The following THEM6 variants were observed in gnomAD, a reference collection of about 807,000 sequenced individuals.
THEM6 encodes protein THEM6.
A neutral mutation model predicts 13.7 loss-of-function variants in THEM6; 10 were observed. The observed-to-expected ratio is 0.73, with a 90% CI of 0.45 to 1.24. The LOEUF is 1.24. THEM6 is among the 50% of genes most tolerant of loss of function. The probability of loss-of-function intolerance (pLI) is 0.00; values close to 1 mark genes in which losing one functional copy is unlikely to be tolerated. For synonymous variants in THEM6, 161 were observed against 156.0 expected (o/e 1.03, Z -0.24); for missense variants, 317 against 312.6 (o/e 1.01, Z -0.11).
At chr8:142,733,548 A>C (rs1815697998) in intron 1 of THEM6, among the ~76,000 whole-genome samples, 1 of 152,106 alleles carries the variant, frequency 6.6e-6, no homozygotes, top group South Asian at 2.1e-4. Flanking sequence ...CCCAGCCCTC[A>C]CTCAAAATGG....
intron 1 of THEM6, among the ~76,000 whole-genome samples, chr8:142,733,795 C>G (rs1440392254): frequency 2.0e-5 from 3 of 152,338 alleles, no homozygotes; most frequent in African/African-American, 7.2e-5. Flanking sequence ...GGTCGGGGCA[C>G]AGCTTGCTTT....
intron 1 of THEM6, among the ~76,000 whole-genome samples, chr8:142,732,196 ATATATATATAT>A (rs1815663219): frequency 1.0e-5 from 1 of 95,880 alleles, no homozygotes; most frequent in Non-Finnish European, 2.1e-5. Context: ...ATATATATAT[ATATATATATAT>A]TTTAACTACT....
Position 142,727,536 on chromosome 8 carries a change from C to T in THEM6, c.190C>T (p.His64Tyr), listed in dbSNP as rs782396140. ...VLPSDLDLLL[H>Y]MNNARYLREA... ...GCCCTCGGACTTGGACCTGCTGCTG[C>T]ACATGAACAACGCGCGCTACCTGCG... The change falls in exon 1 of 2, where the codon CAC (histidine) becomes TAC (tyrosine). Residue 64 changes from histidine (H) to tyrosine (Y), a missense_variant. By Grantham distance (83) the His-to-Tyr change is moderately conservative (BLOSUM62 2). Transcript: ENST00000336138. The T allele has an allele frequency of 7.6e-6, 12 of 1,570,790 alleles. No homozygotes were observed. The East Asian group carries it at 2.9e-4, about 37-fold the overall frequency.
chr8:142,735,353 C>G lies in THEM6; in HGVS notation c.541C>G (p.Leu181Val), dbSNP rs1467220303. The G allele has an allele frequency of 1.3e-6, 2 of 1,570,482 alleles. No individual in the cohort carries two copies. The highest frequency in any genetic ancestry group is 2.4e-5 in the East Asian group (1 of 42,388). Residue 181 changes from leucine to valine, a missense_variant, in exon 2 of 2, where the codon CTG becomes GTG. Transcript: ENST00000336138. The part of the protein sequence containing the change: ...RVEPPELPAD[L>V]QHWISYNEAS... ...GGAGCCCCCTGAGCTGCCCGCTGAT[C>G]TGCAGCACTGGATCTCCTACAACGA...
intron 1 of THEM6, among the ~76,000 whole-genome samples, chr8:142,732,207 T>TATATATATG (rs1563822652): frequency 2.2e-5 from 2 of 91,490 alleles, no homozygotes; most frequent in African/African-American, 4.1e-5. Flanking sequence ...TATATATATA[T>TATATATATG]TTTAACTACT....
At chr8:142,732,651 G>C (rs150167368) in intron 1 of THEM6, among the ~76,000 whole-genome samples, 4 of 151,656 alleles carry the variant, frequency 2.6e-5, no homozygotes, top group Middle Eastern at 3.5e-3. Context: ...TCCTTGGTCT[G>C]TGCACAGAGT....
chr8:142,727,873 GC>G lies in THEM6; in HGVS notation c.513+18del. 2.9e-6 allele frequency: 4 copies of G among 1,389,764 alleles called. No individual in the cohort carries two copies. Among genetic ancestry groups the G allele is most frequent in the East Asian group, 3.0e-5 (1 of 32,886 alleles). The allele number at this position is 1,389,764 out of a possible 1,614,324, so 86.1% of individuals were successfully genotyped here. The stretch of plus-strand genomic sequence containing the variant: ...TGCCAGCGCAGGGTGAGCGGCCCCC[GC>G]CCCTGGCCCCGGAGCACGGCCTTTG... On this transcript the variant is annotated intron_variant, in intron 1 of 1. Coordinates refer to ENST00000336138, the MANE Select transcript of THEM6 (RefSeq NM_016647.3).
rs1182378811 is a variant in THEM6 at position 142,736,379 on chromosome 8, T to G, written c.*940T>G. On this transcript the variant is annotated 3_prime_UTR_variant, in exon 2 of 2. Transcript: ENST00000336138. ...TCTGGCCTGGCCGGCAGGCGTCTTC[T>G]TAACTCCTCTGTCCTCTATATTCAG... The G allele has an allele frequency of 6.6e-6, 1 of 152,446 alleles. No homozygotes were observed. The highest frequency in any genetic ancestry group is 1.5e-5 in the Non-Finnish European group (1 of 68,218). 9.4% of individuals were successfully genotyped at this position (152,446 alleles called of 1,614,324 possible).
At chr8:142,728,680 G>A (rs962751496) in intron 1 of THEM6, among the ~76,000 whole-genome samples, 1 of 152,222 alleles carries the variant, frequency 6.6e-6, no homozygotes, top group Non-Finnish European at 1.5e-5. Context: ...AGACCTCAAG[G>A]GAGGGTTCTT....
Position 142,727,310 on chromosome 8 carries a change from A to G in THEM6, c.-37A>G, listed in dbSNP as rs1815510072. On this transcript the variant is annotated 5_prime_UTR_variant, in exon 1 of 2. Coordinates refer to ENST00000336138, the MANE Select transcript of THEM6 (RefSeq NM_016647.3). The stretch of plus-strand genomic sequence containing the variant: ...CGCCGCGGACACCGGCACCGGCGCC[A>G]CGGACTCCGCAGGACCCCGCGCCCG... The G allele has an allele frequency of 6.9e-7, 1 of 1,448,334 alleles. No individual in the cohort carries two copies. Among genetic ancestry groups the G allele is most frequent in the South Asian group, 1.4e-5 (1 of 72,664 alleles). The allele number at this position is 1,448,334 out of a possible 1,614,324, so 89.7% of individuals were successfully genotyped here.
At chr8:142,732,882 A>G (rs587762623) in intron 1 of THEM6, among the ~76,000 whole-genome samples, 2 of 152,262 alleles carry the variant, frequency 1.3e-5, no homozygotes, top group Admixed American at 1.3e-4. Flanking sequence ...ACGGATTGCC[A>G]CCAAATTGTT....
chr8:142,731,278 A>C (rs1815641799), intron 1 of THEM6, among the ~76,000 whole-genome samples: 1 of 152,218 alleles, frequency 6.6e-6, no homozygotes, highest in Non-Finnish European at 1.5e-5. Flanking sequence ...AACATTTTAA[A>C]ACTTGCTTAA....
chr8:142,727,760 C>T lies in THEM6; in HGVS notation c.414C>T (p.Val138=), dbSNP rs893640680. The stretch of plus-strand genomic sequence containing the variant: ...CGTTCTACCTGGAGGCGCGCTTTGT[C>T]AGCCTGCGGGACGGCTTCGTGTGCG... The part of the protein sequence containing the change: ...DRAFYLEARF[V]SLRDGFVCAL... Residue 138 remains valine (V), a synonymous_variant, in exon 1 of 2, where the codon GTC becomes GTT. Coordinates refer to ENST00000336138, the MANE Select transcript of THEM6 (RefSeq NM_016647.3). 24 of 1,454,086 alleles carry T rather than the reference C, an allele frequency of 1.7e-5. No individual in the cohort carries two copies. The Admixed American group carries it at 3.1e-4, about 19-fold the overall frequency. 90.1% of individuals were successfully genotyped at this position (1,454,086 alleles called of 1,614,324 possible).
chr8:142,735,782 G>A lies in THEM6; in HGVS notation c.*343G>A, dbSNP rs1003593859. On this transcript the variant is annotated 3_prime_UTR_variant, in exon 2 of 2. Transcript: ENST00000336138. ...GCAGAGGGACCCACAAGTGCCTCCC[G>A]AGCCTAGATCCTGGCTCGGACCACT... is the stretch of plus-strand genomic sequence containing the variant. 11 of 285,938 alleles carry A rather than the reference G, an allele frequency of 3.8e-5. No individual in the cohort carries two copies. The highest frequency in any genetic ancestry group is 2.2e-4 in the South Asian group (5 of 23,240). The allele number at this position is 285,938 out of a possible 1,614,324, so 17.7% of individuals were successfully genotyped here.
intron 1 of THEM6, among the ~76,000 whole-genome samples, chr8:142,730,544 C>T (rs1554642843): frequency 6.6e-6 from 1 of 152,222 alleles, no homozygotes; most frequent in East Asian, 1.9e-4. Flanking sequence ...CTCTTAAGCT[C>T]TTGGCCTTCT....
rs1815505792 is a variant in THEM6 at position 142,727,266 on chromosome 8, T to G, written c.-81T>G. 1.5e-6 allele frequency: 2 copies of G among 1,340,806 alleles called. No homozygotes were observed. Among genetic ancestry groups the G allele is most frequent in the Non-Finnish European group, 1.9e-6 (2 of 1,041,454 alleles). 83.1% of individuals were successfully genotyped at this position (1,340,806 alleles called of 1,614,324 possible). A position where few individuals can be genotyped will look rare whatever the true frequency, so the allele number is the denominator to read the frequency against. On this transcript the variant is annotated 5_prime_UTR_variant, in exon 1 of 2. Transcript: ENST00000336138. The stretch of plus-strand genomic sequence containing the variant: ...TGCGCTCGTGAGTTCCCAGGAGGCC[T>G]GGCGGGCACCGTAACCAGCGCCGCG...
intron 1 of THEM6, among the ~76,000 whole-genome samples, chr8:142,732,107 G>A (rs1271768662): frequency 7.2e-6 from 1 of 138,638 alleles, no homozygotes; most frequent in Non-Finnish European, 1.5e-5. Context: ...CCAACCAGCG[G>A]GAGTGAAGCT....
At position 142,732,161 on chromosome 8, in the gene THEM6, A is replaced by AATATATATATATATATAT. The variant is rs59428096; in HGVS notation, c.514-3136_514-3119dup. The stretch of plus-strand genomic sequence containing the variant: ...GTGAAGAGGGGAAAAGGGAGTTTTG[A>AATATATATATATATATAT]ATATATATATATATATATATATATA... On this transcript the variant is annotated intron_variant, in intron 1 of 1. Coordinates refer to ENST00000336138, the MANE Select transcript of THEM6 (RefSeq NM_016647.3). 1.0e-3 allele frequency among the ~76,000 whole-genome samples: 38 copies of AATATATATATATATATAT among 37,214 alleles called. 1 individual carries two copies. The highest frequency in any genetic ancestry group is 1.6e-3 in the Non-Finnish European group (25 of 16,080). 24.4% of individuals were successfully genotyped at this position (37,214 alleles called of 152,430 possible). A position where few individuals can be genotyped will look rare whatever the true frequency, so the allele number is the denominator to read the frequency against.
At chr8:142,728,943 T>C (rs962527979) in intron 1 of THEM6, among the ~76,000 whole-genome samples, 23 of 141,088 alleles carry the variant, frequency 1.6e-4, no homozygotes, top group South Asian at 4.4e-4. Context: ...TTTTCTTTTT[T>C]TTTTTTTTTT....
Sources: gnomAD v4.1 joint callset for allele counts (sites outside exome capture counted in the v4.1 genomes callset) on GRCh38, gnomAD v4.1.1 for gene constraint, MANE v1.5 for transcripts, NCBI Gene and HGNC (gene_info 2026-07-23, HGNC 2026-07-21) for gene names.